The following FAM149A variants were observed in gnomAD, a reference collection of about 807,000 sequenced individuals.
FAM149A encodes the protein family with sequence similarity 149 member A.
A neutral mutation model predicts 78.2 loss-of-function variants in FAM149A; 71 were observed. The ratio of observed to expected loss-of-function variants is 0.91; its 90% CI spans 0.75 to 1.11. FAM149A has a LOEUF of 1.11. FAM149A is among the 50% of genes least tolerant of loss of function. The pLI is 0.00. For synonymous variants in FAM149A, 446 were observed against 410.5 expected, an observed-to-expected ratio of 1.09 and a Z score of -1.04; for missense variants, 1,036 against 971.0, an observed-to-expected ratio of 1.07 and a Z score of -0.89.
rs576583564 is a variant in FAM149A at position 186,104,970 on chromosome 4, G to T, written c.-107G>T. The T allele has an allele frequency of 9.8e-4, 1,165 of 1,183,276 alleles. 9 individuals are homozygous for T. The African/African-American group carries it at 0.018, about 18-fold the overall frequency. 73.3% of individuals were successfully genotyped at this position (1,183,276 alleles called of 1,614,324 possible). On this transcript the variant is annotated 5_prime_UTR_variant, in exon 1 of 14. Coordinates refer to ENST00000389354, the MANE Select transcript of FAM149A (RefSeq NM_001367768.3). ...GGGAGCCAGGGGCCTCCGGGGCTCC[G>T]GGTGCGGGGACCTCAGGCTCCTCGC...
rs1489127139 is a variant in FAM149A at position 186,149,215 on chromosome 4, G to C, written c.609G>C (p.Val203=). ...GACGTAGAAGGCACGGTTTTACTGT[G>C]AGGAGCAAAGATTCTTTACCTACGC... The change falls in exon 2 of 14, where the codon GTG becomes GTC. Residue 203 remains valine, a synonymous_variant. Coordinates refer to ENST00000389354, the MANE Select transcript of FAM149A (RefSeq NM_001367768.3). 1 of 1,289,282 alleles carries C rather than the reference G, an allele frequency of 7.8e-7. No homozygotes were observed. The highest frequency in any genetic ancestry group is 1.2e-5 in the South Asian group (1 of 80,900). 79.9% of individuals were successfully genotyped at this position (1,289,282 alleles called of 1,614,324 possible).
rs188086689 is a variant in FAM149A at position 186,172,226 on chromosome 4, C to T, written c.*239C>T. On this transcript the variant is annotated 3_prime_UTR_variant, in exon 14 of 14. Coordinates refer to ENST00000389354, the MANE Select transcript of FAM149A (RefSeq NM_001367768.3). ...TCTCCAAGGTTCTGTAGGCTTTGTT[C>T]AGAAGCCCCTGATGTGTGTTTGCAG... 8 of 463,278 alleles carry T rather than the reference C, an allele frequency of 1.7e-5. No individual in the cohort carries two copies. The highest frequency in any genetic ancestry group is 3.7e-5 in the East Asian group (1 of 27,224). The allele number at this position is 463,278 out of a possible 1,614,324, so 28.7% of individuals were successfully genotyped here. A position where few individuals can be genotyped will look rare whatever the true frequency, so the allele number is the denominator to read the frequency against.
chr4:186,162,479 T>TG (rs1268771206), intron 8 of FAM149A, among the ~76,000 whole-genome samples: 1 of 152,076 alleles, frequency 6.6e-6, no homozygotes, highest in African/African-American at 2.4e-5. Context: ...TCTCAGAGCA[T>TG]GGGGGGAGAC....
chr4:186,162,574 C>T (rs182995865), intron 8 of FAM149A, among the ~76,000 whole-genome samples: 67 of 152,304 alleles, frequency 4.4e-4, no homozygotes, highest in African/African-American at 1.4e-3. Flanking sequence ...CTACCCTCTC[C>T]GGGTGCAGGA....
Position 186,132,327 on chromosome 4 carries a change from T to A in FAM149A, c.567-16846T>A, listed in dbSNP as rs2099321077. ...GCTACAGTAAATAAGACTGTGTTAT[T>A]GATGCAGAGATAAACAGTGGGCCAT... On this transcript the variant is annotated intron_variant, in intron 1 of 13. Transcript: ENST00000389354. The A allele has an allele frequency of 4.6e-6, 3 of 653,678 alleles. No homozygotes were observed. In the South Asian group the frequency reaches 2.0e-4, roughly 44 times the overall value. 40.5% of individuals were successfully genotyped at this position (653,678 alleles called of 1,614,324 possible).
intron 1 of FAM149A, among the ~76,000 whole-genome samples, chr4:186,137,520 G>A (rs556672666): frequency 6.6e-6 from 1 of 151,964 alleles, no homozygotes; most frequent in African/African-American, 2.4e-5. Flanking sequence ...TATCTATTCT[G>A]GAATGAAAAT....
intron 1 of FAM149A, among the ~76,000 whole-genome samples, chr4:186,136,388 T>C (rs2099322719): frequency 6.6e-6 from 1 of 152,212 alleles, no homozygotes; most frequent in African/African-American, 2.4e-5. Context: ...TTCAATATAT[T>C]AGGTTGAAAC....
At chr4:186,163,964 G>A (rs933703255) in intron 10 of FAM149A, among the ~76,000 whole-genome samples, 3 of 152,138 alleles carry the variant, frequency 2.0e-5, no homozygotes, top group Non-Finnish European at 4.4e-5. Flanking sequence ...TCAAGGGGAG[G>A]TTTAAATAAA....
At chr4:186,157,751 C>CT in intron 8 of FAM149A, 32 bp downstream of exon 8, 1 of 1,586,502 alleles carries the variant, frequency 6.3e-7, no homozygotes, top group Non-Finnish European at 8.6e-7. Context: ...TCCCTCTTGC[C>CT]TTCACTCTGT....
chr4:186,115,326 T>C (rs1264516036), intron 1 of FAM149A, among the ~76,000 whole-genome samples: 1 of 140,602 alleles, frequency 7.1e-6, no homozygotes, highest in Non-Finnish European at 1.5e-5. Flanking sequence ...TCAACTTCTT[T>C]GCCTTTGGTT....
intron 1 of FAM149A, chr4:186,124,040 A>G: frequency 1.0e-6 from 1 of 980,216 alleles, no homozygotes; most frequent in Non-Finnish European, 1.2e-6. Context: ...GAAACTTGGT[A>G]GTGGGTGGCC....
Position 186,151,829 on chromosome 4 carries a change from A to G in FAM149A, c.790-74A>G. On this transcript the variant is annotated intron_variant, in intron 3 of 13. Transcript: ENST00000389354. ...CTACATAGTGGGTGACAGTAAATGT[A>G]TAAGTAGCGTTGATCCAGAAGCCCG... is the stretch of plus-strand genomic sequence containing the variant. The G allele has an allele frequency of 2.6e-6, 4 of 1,560,434 alleles. No homozygotes were observed. The South Asian group carries it at 3.5e-5, about 14-fold the overall frequency.
At chr4:186,154,342 T>G (rs998471868) in intron 5 of FAM149A, 126 bp from the exon 6 acceptor site, 8 of 736,082 alleles carry the variant, frequency 1.1e-5, no homozygotes, top group African/African-American at 3.6e-5. Flanking sequence ...CAATGTAATA[T>G]TCAACCGTTT....
intron 1 of FAM149A, among the ~76,000 whole-genome samples, chr4:186,136,442 C>G (rs2099322739): frequency 6.6e-6 from 1 of 152,252 alleles, no homozygotes; most frequent in South Asian, 2.1e-4. Context: ...ATAATATGGA[C>G]AATTTCATAT....
At chr4:186,155,388 G>C (rs948664565) in intron 6 of FAM149A, among the ~76,000 whole-genome samples, 1 of 152,144 alleles carries the variant, frequency 6.6e-6, no homozygotes, top group African/African-American at 2.4e-5. Context: ...TGAGAAGACT[G>C]AAATCAAGCA....
At chr4:186,165,168 C>G (rs943913579) in intron 10 of FAM149A, among the ~76,000 whole-genome samples, 176 bp from the exon 11 acceptor site, 5 of 152,230 alleles carry the variant, frequency 3.3e-5, no homozygotes, top group African/African-American at 1.2e-4. Flanking sequence ...CCATAGTTAT[C>G]AGAGTGCTAT....
intron 1 of FAM149A, chr4:186,146,368 C>T (rs114167404): frequency 0.03 from 18,099 of 608,670 alleles, 489 homozygotes; most frequent in African/African-American, 0.11. Context: ...TACCCAACTT[C>T]CCATTTCCCC....
In FAM149A at chr4:186,105,198, G is replaced by T. The variant is rs981206233; in HGVS notation, c.122G>T (p.Gly41Val). ...GGTGCTGCCGCTGCAGGGTCGGGGG[G>T]CTCCAGGGCGGGCACCCCGTTGGGT... Residue 41 changes from glycine to valine, a missense_variant, in exon 1 of 14, where the codon GGC becomes GTC. By Grantham distance (109) the Gly-to-Val change is moderately radical. Around this residue, in one of 3 missense-constraint regions of FAM149A, gnomAD observed 316 missense variants for 241.9 expected, o/e 1.31. Coordinates refer to ENST00000389354, the MANE Select transcript of FAM149A (RefSeq NM_001367768.3). 6 of 1,270,302 alleles carry T rather than the reference G, an allele frequency of 4.7e-6. No individual in the cohort carries two copies. Among genetic ancestry groups the T allele is most frequent in the Middle Eastern group, 2.5e-4 (1 of 3,950 alleles). The allele number at this position is 1,270,302 out of a possible 1,614,324, so 78.7% of individuals were successfully genotyped here. A position where few individuals can be genotyped will look rare whatever the true frequency, so the allele number is the denominator to read the frequency against.
Position 186,157,660 on chromosome 4 carries a change from C to G in FAM149A, c.1516C>G (p.Pro506Ala). Reference sequence around the variant, plus strand: ...TCACGCCGATGGAGCCAGTGGCCCCCCGTCCGGACACGCCGAGGCTCACGG... The same window carrying G: ...TCACGCCGATGGAGCCAGTGGCCCCGCGTCCGGACACGCCGAGGCTCACGG... Residue 506 changes from proline to alanine, a missense_variant, in exon 8 of 14, where the codon CCG (proline) becomes GCG (alanine). Coordinates refer to ENST00000389354, the MANE Select transcript of FAM149A (RefSeq NM_001367768.3). 6.2e-7 allele frequency: 1 copy of G among 1,614,134 alleles called. No individual in the cohort carries two copies. Among genetic ancestry groups the G allele is most frequent in the Non-Finnish European group, 8.5e-7 (1 of 1,179,982 alleles).
Sources: gnomAD v4.1 joint callset for allele counts (sites outside exome capture counted in the v4.1 genomes callset) on GRCh38, gnomAD v4.1.1 for gene constraint, gnomAD v4.1.1 regional missense constraint, MANE v1.5 for transcripts, NCBI Gene and HGNC (gene_info 2026-07-23, HGNC 2026-07-21) for gene names.